Variants in ZCWPW1 observed in about 807,000 individuals in gnomAD.
The protein encoded by ZCWPW1 is zinc finger CW-type PWWP domain protein 1.
In ZCWPW1, 56 loss-of-function variants were observed where a neutral mutation model predicts 81.3. The observed-to-expected ratio is 0.69, with a 90% CI of 0.56 to 0.86. The LOEUF (loss-of-function observed/expected upper bound fraction) is 0.86. ZCWPW1 is among the 40% of genes least tolerant of loss of function. The pLI, the probability that ZCWPW1 is intolerant of heterozygous loss-of-function variation, is 0.00. For synonymous variants in ZCWPW1, 250 were observed against 273.7 expected (o/e 0.91, Z 0.86); for missense variants, 650 against 769.8 (o/e 0.84, Z 1.84).
At chr7:100,409,107 T>G (rs1291024952) in intron 9 of ZCWPW1, among the ~76,000 whole-genome samples, 1 of 152,168 alleles carries the variant, frequency 6.6e-6, no homozygotes, top group Non-Finnish European at 1.5e-5. Flanking sequence ...TCTCGTCTGT[T>G]TTCCCCGATA....
At chr7:100,424,469 A>G (rs1481908799) in intron 2 of ZCWPW1, among the ~76,000 whole-genome samples, 1 of 152,032 alleles carries the variant, frequency 6.6e-6, no homozygotes, top group East Asian at 1.9e-4. Context: ...TTAAATTATT[A>G]TTATTTTTTT....
chr7:100,404,046 A>G, intron 14 of ZCWPW1, 132 bp downstream of exon 14: 1 of 985,856 alleles, frequency 1.0e-6, no homozygotes, highest in Non-Finnish European at 1.5e-6. Context: ...TGACATTCAC[A>G]AGAGCCTCCT....
rs183621422 is a variant in ZCWPW1 at position 100,401,928 on chromosome 7, T to C, written c.1588A>G (p.Arg530Gly). 5,549 of 1,614,116 alleles carry C rather than the reference T, an allele frequency of 3.4e-3. 24 individuals are homozygous for C. Among genetic ancestry groups the C allele is most frequent in the Non-Finnish European group, 4.4e-3 (5,222 of 1,179,976 alleles). ...STAPPAPRMG[R>G]KEGQGNSDSD... Reference sequence around the variant, plus strand: ...TCTGAATTCCCTTGGCCTTCTTTCCTTCCCATTCTGGGTGCAGGAGGAGCT... The same window carrying C: ...TCTGAATTCCCTTGGCCTTCTTTCCCTCCCATTCTGGGTGCAGGAGGAGCT... Residue 530 changes from arginine to glycine, a missense_variant, in exon 17 of 18, where the codon AGG (arginine) becomes GGG (glycine). Coordinates refer to ENST00000684423, the MANE Select transcript of ZCWPW1 (RefSeq NM_001386010.1).
chr7:100,404,393 C>G, intron 13 of ZCWPW1, 149 bp from the exon 14 acceptor site: 1 of 753,510 alleles, frequency 1.3e-6, no homozygotes, highest in South Asian at 1.7e-5. Context: ...CAGGGTCTTG[C>G]TCTGTCACCC....
chr7:100,427,688 GAC>G (rs1480990824), intron 1 of ZCWPW1, among the ~76,000 whole-genome samples: 1 of 143,552 alleles, frequency 7.0e-6, no homozygotes, highest in Non-Finnish European at 1.5e-5. Context: ...GACAGAGCGA[GAC>G]AGTCTTTAAA....
chr7:100,403,169 C>T (rs562643863), intron 15 of ZCWPW1, among the ~76,000 whole-genome samples: 137 of 152,192 alleles, frequency 9.0e-4, no homozygotes, highest in Non-Finnish European at 1.4e-3. Flanking sequence ...TAACGAGATC[C>T]TTACAGAAAG....
At chr7:100,411,115 T>C (rs1421900890) in intron 8 of ZCWPW1, among the ~76,000 whole-genome samples, 2 of 152,182 alleles carry the variant, frequency 1.3e-5, no homozygotes, top group Non-Finnish European at 2.9e-5. Context: ...ATTTCTCCAG[T>C]AAGTTCACTC....
At chr7:100,423,612 T>C (rs1037770620) in intron 2 of ZCWPW1, among the ~76,000 whole-genome samples, 1 of 152,194 alleles carries the variant, frequency 6.6e-6, no homozygotes, top group Non-Finnish European at 1.5e-5. Context: ...CAACGACGTT[T>C]CCTTTATATT....
rs73401490 is a variant in ZCWPW1 at position 100,409,675 on chromosome 7, C to T, written c.755-131G>A. The stretch of plus-strand genomic sequence containing the variant: ...GAGAGACATTAGAGATCAACCAGCC[C>T]GATCCCTGACTTATAAGAGGGAAAC... On this transcript the variant is annotated intron_variant, in intron 8 of 17. Coordinates refer to ENST00000684423, the MANE Select transcript of ZCWPW1 (RefSeq NM_001386010.1). 5,567 of 636,048 alleles carry T rather than the reference C, an allele frequency of 8.8e-3. 204 individuals carry two copies. The highest frequency in any genetic ancestry group is 0.079 in the African/African-American group (4,281 of 54,392). The allele number at this position is 636,048 out of a possible 1,614,324, so 39.4% of individuals were successfully genotyped here. A position where few individuals can be genotyped will look rare whatever the true frequency, so the allele number is the denominator to read the frequency against.
rs746829446 is a variant in ZCWPW1, at chr7:100,416,364, G to A, written c.572C>T (p.Pro191Leu). ...IRTSKLGQPD[P>L]APSKKKSNRL... ...ATTGGATTTCTTCTTAGAGGGTGCA[G>A]GATCTGGCTGGCCTAACTTAGATGT... Residue 191 changes from proline (P) to leucine (L), a missense_variant, in exon 7 of 18, where the codon CCT becomes CTT. Transcript: ENST00000684423. The A allele has an allele frequency of 1.2e-6, 2 of 1,614,170 alleles. No homozygotes were observed. Among genetic ancestry groups the A allele is most frequent in the Non-Finnish European group, 1.7e-6 (2 of 1,180,024 alleles).
chr7:100,404,337 T>A, intron 13 of ZCWPW1, 93 bp from the exon 14 acceptor site: 1 of 1,164,408 alleles, frequency 8.6e-7, no homozygotes, highest in Non-Finnish European at 1.3e-6. Flanking sequence ...GATGAAATTC[T>A]GATTCATTTT....
intron 8 of ZCWPW1, among the ~76,000 whole-genome samples, chr7:100,413,750 T>C (rs1278352971): frequency 6.6e-6 from 1 of 152,180 alleles, no homozygotes; most frequent in Non-Finnish European, 1.5e-5. Flanking sequence ...TTTTTTAATA[T>C]AAATTCACTT....
chr7:100,421,503 A>G (rs182067312), intron 2 of ZCWPW1, among the ~76,000 whole-genome samples: 1 of 152,310 alleles, frequency 6.6e-6, no homozygotes, highest in Admixed American at 6.5e-5. Context: ...TCAATTTTCA[A>G]ATGTACTAGA....
intron 1 of ZCWPW1, among the ~76,000 whole-genome samples, chr7:100,426,310 A>G (rs372118974): frequency 8.5e-5 from 13 of 152,272 alleles, no homozygotes; most frequent in African/African-American, 3.1e-4. Flanking sequence ...CCTGACCAAC[A>G]TGGTGAAGCC....
At chr7:100,402,727 A>T in intron 15 of ZCWPW1, 151 bp from the exon 16 acceptor site, 1 of 788,072 alleles carries the variant, frequency 1.3e-6, no homozygotes, top group Non-Finnish European at 2.2e-6. Flanking sequence ...GGCAACACAG[A>T]GAAAAATGTA....
At chr7:100,424,866 T>G (rs1797024385) in intron 2 of ZCWPW1, among the ~76,000 whole-genome samples, 164 bp downstream of exon 2, 1 of 152,216 alleles carries the variant, frequency 6.6e-6, no homozygotes, top group Admixed American at 6.5e-5. Context: ...AAGATCTTCC[T>G]AGGCCAAAGT....
In ZCWPW1 at chr7:100,416,370, G is replaced by A. The variant is rs754728330; in HGVS notation, c.566C>T (p.Pro189Leu). 9 of 1,614,144 alleles carry A rather than the reference G, an allele frequency of 5.6e-6. No individual in the cohort carries two copies. The highest frequency in any genetic ancestry group is 1.3e-5 in the African/African-American group (1 of 75,032). The change falls in exon 7 of 18, where the codon CCA becomes CTA. Residue 189 changes from proline to leucine, a missense_variant. Physicochemically the swap from Pro to Leu is moderately conservative, Grantham distance 98 (BLOSUM62 -3). Transcript: ENST00000684423. The stretch of plus-strand genomic sequence containing the variant: ...TTTCTTCTTAGAGGGTGCAGGATCT[G>A]GCTGGCCTAACTTAGATGTCCTTAT... The part of the protein sequence containing the change: ...PEIRTSKLGQ[P>L]DPAPSKKKSN...
chr7:100,422,809 C>T (rs1247862110), intron 2 of ZCWPW1, among the ~76,000 whole-genome samples: 2 of 152,170 alleles, frequency 1.3e-5, no homozygotes, highest in African/African-American at 4.8e-5. Context: ...TGAGCTCCCA[C>T]TTTATAAGTG....
intron 2 of ZCWPW1, among the ~76,000 whole-genome samples, chr7:100,423,100 T>A (rs1796633540): frequency 6.6e-6 from 1 of 152,150 alleles, no homozygotes; most frequent in African/African-American, 2.4e-5. Flanking sequence ...TTAGGGATAA[T>A]AAAGCCCCAA....
Sources: gnomAD v4.1 joint callset for allele counts (sites outside exome capture counted in the v4.1 genomes callset) on GRCh38, gnomAD v4.1.1 for gene constraint, MANE v1.5 for transcripts, NCBI Gene and HGNC (gene_info 2026-07-23, HGNC 2026-07-21) for gene names.